The following NR2C2 variants were observed in gnomAD, a reference collection of about 807,000 sequenced individuals.
NR2C2 encodes the protein Nuclear hormone receptor TR4.
A neutral mutation model predicts 62.9 loss-of-function variants in NR2C2; 6 were observed. The observed-to-expected ratio is 0.10, with a 90% CI of 0.05 to 0.19. The LOEUF (loss-of-function observed/expected upper bound fraction) is 0.19, where lower values mean the gene tolerates loss of function less well. Among genes scored for constraint, NR2C2 ranks in the 10% least tolerant of loss-of-function variants. The pLI, the probability that NR2C2 is intolerant of heterozygous loss-of-function variation, is 1.00. For missense variants in NR2C2, 479 were observed against 762.7 expected, an observed-to-expected ratio of 0.63 and a Z score of 4.38; for synonymous variants, 272 against 273.8, an observed-to-expected ratio of 0.99 and a Z score of 0.07.
At chr3:14,969,628 G>T (rs889714916) in intron 1 of NR2C2, among the ~76,000 whole-genome samples, 1 of 152,132 alleles carries the variant, frequency 6.6e-6, no homozygotes, top group African/African-American at 2.4e-5. Context: ...TTACTGATTG[G>T]CAGAAAGAAA....
chr3:15,012,314 C>A (rs2041378703), intron 2 of NR2C2, among the ~76,000 whole-genome samples: 1 of 151,930 alleles, frequency 6.6e-6, no homozygotes. Context: ...GCAAACTCTG[C>A]CTCTGAGTTC....
intron 2 of NR2C2, among the ~76,000 whole-genome samples, chr3:15,004,983 C>T (rs2041127262): frequency 6.6e-6 from 1 of 151,652 alleles, no homozygotes. Flanking sequence ...GAACTCCTGA[C>T]CTCAAGTGAT....
chr3:14,992,576 T>C (rs930241222), intron 1 of NR2C2, among the ~76,000 whole-genome samples: 2 of 152,192 alleles, frequency 1.3e-5, no homozygotes, highest in Admixed American at 6.5e-5. Flanking sequence ...TGTGGTGTTC[T>C]GTGGAGAGTA....
chr3:14,973,071 A>G (rs2040096855), intron 1 of NR2C2, among the ~76,000 whole-genome samples: 1 of 152,190 alleles, frequency 6.6e-6, no homozygotes, highest in African/African-American at 2.4e-5. Flanking sequence ...ACTTTGTTCC[A>G]TTCTGTGGGC....
rs539941174 is a variant in NR2C2 at position 14,993,840 on chromosome 3, A to G, written c.-39-10036A>G. Among the ~76,000 whole-genome samples the G allele has an allele frequency of 4.3e-3, 661 of 152,304 alleles. 2 individuals are homozygous for G. Among genetic ancestry groups the G allele is most frequent in the Non-Finnish European group, 7.7e-3 (525 of 68,020 alleles). On this transcript the variant is annotated intron_variant, in intron 1 of 13. Coordinates refer to ENST00000425241, the MANE Select transcript of NR2C2 (RefSeq NM_001291694.2). ...TTTGGGCTTCTCATATCAAGGGAATAAATAAAATTTGCAGATGTATCCCTG... is the reference window on the plus strand; with the variant it reads ...TTTGGGCTTCTCATATCAAGGGAATGAATAAAATTTGCAGATGTATCCCTG...
At chr3:15,007,053 G>A (rs2041194863) in intron 2 of NR2C2, among the ~76,000 whole-genome samples, 1 of 151,440 alleles carries the variant, frequency 6.6e-6, no homozygotes, top group Non-Finnish European at 1.5e-5. Flanking sequence ...GGGATTACAG[G>A]CGCGAGCCAC....
intron 8 of NR2C2, 71 bp downstream of exon 8, chr3:15,028,790 C>T: frequency 3.3e-6 from 5 of 1,535,138 alleles, no homozygotes; most frequent in Non-Finnish European, 4.5e-6. Flanking sequence ...GGGTGGAAAA[C>T]AGCATTTTGG....
intron 12 of NR2C2, 58 bp from the exon 13 acceptor site, chr3:15,039,064 A>T: frequency 7.9e-7 from 1 of 1,269,712 alleles, no homozygotes; most frequent in Non-Finnish European, 1.1e-6. Context: ...TAAGAAGTCT[A>T]CAAGTGAGAC....
At chr3:14,954,642 ATAT>A (rs2039471562) in intron 1 of NR2C2, among the ~76,000 whole-genome samples, 1 of 152,248 alleles carries the variant, frequency 6.6e-6, no homozygotes, top group Non-Finnish European at 1.5e-5. Flanking sequence ...CAGTGCAATA[ATAT>A]TATAAAGTAA....
Position 14,949,403 on chromosome 3 carries a change from C to A in NR2C2, c.-40+1497C>A, listed in dbSNP as rs930403550. On this transcript the variant is annotated intron_variant, in intron 1 of 13. Coordinates refer to ENST00000425241, the MANE Select transcript of NR2C2 (RefSeq NM_001291694.2). The stretch of plus-strand genomic sequence containing the variant: ...CTGGAGGAAGAGCATTTGATGTGAT[C>A]GAGAACTGGCTGCTTGTGGCTGGAG... Among the ~76,000 whole-genome samples, 4 of 152,186 alleles carry A rather than the reference C, an allele frequency of 2.6e-5. No individual in the cohort carries two copies. In the South Asian group the frequency reaches 6.2e-4, roughly 24 times the overall value.
chr3:14,990,883 G>A (rs1388460782), intron 1 of NR2C2, among the ~76,000 whole-genome samples: 1 of 152,222 alleles, frequency 6.6e-6, no homozygotes. Flanking sequence ...GCTATGCTAA[G>A]CTCTTAGCAA....
At chr3:15,014,123 C>T (rs2041433507) in intron 3 of NR2C2, among the ~76,000 whole-genome samples, 1 of 152,164 alleles carries the variant, frequency 6.6e-6, no homozygotes, top group Non-Finnish European at 1.5e-5. Flanking sequence ...TTTAAAGGTA[C>T]CACCTAGGGC....
At chr3:15,023,529 GA>G in intron 6 of NR2C2, among the ~76,000 whole-genome samples, 182 bp downstream of exon 6, 1 of 152,298 alleles carries the variant, frequency 6.6e-6, no homozygotes. Context: ...GAGGATGCCT[GA>G]TTTATGAAGG....
intron 1 of NR2C2, among the ~76,000 whole-genome samples, chr3:14,957,554 T>TCA (rs2039561844): frequency 6.6e-6 from 1 of 152,260 alleles, no homozygotes; most frequent in Non-Finnish European, 1.5e-5. Context: ...AAGTATGATT[T>TCA]ACTACTATCA....
chr3:14,998,629 T>A (rs1042559166), intron 1 of NR2C2, among the ~76,000 whole-genome samples: 1 of 152,250 alleles, frequency 6.6e-6, no homozygotes, highest in Non-Finnish European at 1.5e-5. Context: ...GTTATTAAGT[T>A]GTAATGATAT....
intron 1 of NR2C2, among the ~76,000 whole-genome samples, chr3:14,990,686 G>GT (rs1329337771): frequency 1.3e-5 from 2 of 152,206 alleles, no homozygotes; most frequent in African/African-American, 2.4e-5. Context: ...CATTGGCATG[G>GT]TAAGTGTGAG....
At chr3:14,949,802 T>C (rs965037821) in intron 1 of NR2C2, among the ~76,000 whole-genome samples, 2 of 152,256 alleles carry the variant, frequency 1.3e-5, no homozygotes, top group African/African-American at 4.8e-5. Flanking sequence ...GGTCTCACTC[T>C]GTCGCCCAGG....
At chr3:15,017,915 C>T (rs1221666770) in intron 4 of NR2C2, among the ~76,000 whole-genome samples, 1 of 152,184 alleles carries the variant, frequency 6.6e-6, no homozygotes, top group African/African-American at 2.4e-5. Flanking sequence ...ATCAGAAGAG[C>T]ATGTCCATGG....
chr3:15,037,046 T>C lies in NR2C2; in HGVS notation c.1373-954T>C, dbSNP rs1213221731. Among the ~76,000 whole-genome samples, 10 of 151,570 alleles carry C rather than the reference T, an allele frequency of 6.6e-5. No individual in the cohort carries two copies. In the South Asian group the frequency reaches 1.5e-3, roughly 22 times the overall value. ...CTGAGGTAGGAAAATCGCTTGAACCTGGGAGGCGGAGGCTGCAGTGAGCCA... is the reference window on the plus strand; with the variant it reads ...CTGAGGTAGGAAAATCGCTTGAACCCGGGAGGCGGAGGCTGCAGTGAGCCA... On this transcript the variant is annotated intron_variant, in intron 11 of 13. Transcript: ENST00000425241.
Sources: allele counts gnomAD v4.1 joint callset (sites outside exome capture counted in the v4.1 genomes callset), GRCh38; gene constraint gnomAD v4.1.1; transcripts MANE v1.5; gene names NCBI Gene and HGNC (gene_info 2026-07-23, HGNC 2026-07-21).